The following C12orf42 variants were observed in gnomAD, a reference collection of about 807,000 sequenced individuals.
C12orf42 encodes the protein uncharacterized protein C12orf42.
C12orf42 carries 25 observed loss-of-function variants against 21.6 expected under a neutral mutation model. That is an observed-to-expected ratio of 1.16 (90% CI 0.84 to 1.62). The LOEUF is 1.62. Among genes scored for constraint, C12orf42 ranks in the 40% most tolerant of loss-of-function variants. C12orf42 has a pLI of 0.00. For missense variants in C12orf42, 483 were observed against 459.3 expected, an observed-to-expected ratio of 1.05 and a Z score of -0.47; for synonymous variants, 174 against 175.0, an observed-to-expected ratio of 0.99 and a Z score of 0.05.
chr12:103,293,774 A>G (rs1190851669), intron 4 of C12orf42, among the ~76,000 whole-genome samples: 1 of 152,178 alleles, frequency 6.6e-6, no homozygotes. Flanking sequence ...CTACGTCTTC[A>G]TTGAAATACA....
chr12:103,162,806 A>T, the C12orf42 span: 1 of 152,186 alleles, frequency 6.6e-6, no homozygotes, highest in Admixed American at 6.5e-5. Context: ...AGCTGAATGA[A>T]TCAGCCTGCA....
At chr12:103,367,885 TC>T in intron 4 of C12orf42, 1 of 316,308 alleles carries the variant, frequency 3.2e-6, no homozygotes, top group Non-Finnish European at 5.7e-6. Context: ...CATTATAAAA[TC>T]AACTAAACCT....
chr12:103,251,896 C>T (rs181969400), intron 10 of C12orf42, among the ~76,000 whole-genome samples: 1 of 152,230 alleles, frequency 6.6e-6, no homozygotes, highest in African/African-American at 2.4e-5. Context: ...ACACTGACCA[C>T]CAAGGTGTCT....
the C12orf42 span, among the ~76,000 whole-genome samples, chr12:103,126,675 AAAG>A: frequency 6.6e-6 from 1 of 152,198 alleles, no homozygotes; most frequent in Admixed American, 6.5e-5. Context: ...AAAAAAAAAA[AAAG>A]GAGACAATAT....
the C12orf42 span, among the ~76,000 whole-genome samples, chr12:103,201,046 T>C: frequency 6.6e-6 from 1 of 152,198 alleles, no homozygotes; most frequent in Non-Finnish European, 1.5e-5. Context: ...GGTAGTCAGT[T>C]GGCGAGAGGT....
chr12:103,295,485 G>C (rs185453025), intron 4 of C12orf42, among the ~76,000 whole-genome samples: 43 of 152,170 alleles, frequency 2.8e-4, no homozygotes, highest in Non-Finnish European at 1.0e-4. Context: ...ATGAGTGATG[G>C]AGGCAGTCAT....
chr12:103,250,502 G>T (rs1158286522), intron 10 of C12orf42, among the ~76,000 whole-genome samples: 2 of 151,984 alleles, frequency 1.3e-5, no homozygotes, highest in Non-Finnish European at 2.9e-5. Context: ...ATGGCCACTG[G>T]GATGCAAAAT....
chr12:103,141,208 G>A, the C12orf42 span, among the ~76,000 whole-genome samples: 10 of 152,106 alleles, frequency 6.6e-5, no homozygotes, highest in Non-Finnish European at 1.0e-4. Flanking sequence ...CTAAAGGAGC[G>A]GAATAAAACT....
At chr12:103,518,768 C>T in the C12orf42 span, among the ~76,000 whole-genome samples, 1 of 152,210 alleles carries the variant, frequency 6.6e-6, no homozygotes, top group Non-Finnish European at 1.5e-5. Flanking sequence ...ACCTTCCCTT[C>T]CAGGCATCCT....
chr12:103,061,238 T>C, the C12orf42 span, among the ~76,000 whole-genome samples: 1 of 152,174 alleles, frequency 6.6e-6, no homozygotes, highest in Non-Finnish European at 1.5e-5. Context: ...TAGTGCTGGG[T>C]GGTGTTGAAA....
chr12:103,254,932 A>ATTT (rs2034485038), intron 10 of C12orf42, among the ~76,000 whole-genome samples: 1 of 152,220 alleles, frequency 6.6e-6, no homozygotes, highest in South Asian at 2.1e-4. Context: ...GAAATTAAAA[A>ATTT]TTTTTTTAAA....
intron 4 of C12orf42, among the ~76,000 whole-genome samples, chr12:103,287,258 T>C (rs1345587793): frequency 6.6e-6 from 1 of 152,206 alleles, no homozygotes; most frequent in Non-Finnish European, 1.5e-5. Context: ...TGCACATGTA[T>C]GTTTACTGCA....
At chr12:103,124,732 G>T in the C12orf42 span, among the ~76,000 whole-genome samples, 10 of 151,898 alleles carry the variant, frequency 6.6e-5, no homozygotes, top group African/African-American at 9.7e-5. Flanking sequence ...CAGATCCTTG[G>T]GTAAACTTAA....
At chr12:103,197,834 C>G in the C12orf42 span, among the ~76,000 whole-genome samples, 1 of 152,002 alleles carries the variant, frequency 6.6e-6, no homozygotes, top group African/African-American at 2.4e-5. Context: ...TGAGACAAGC[C>G]TCAGCTCAGC....
the C12orf42 span, among the ~76,000 whole-genome samples, chr12:103,511,912 A>G: frequency 6.6e-5 from 10 of 152,258 alleles, no homozygotes; most frequent in Non-Finnish European, 1.2e-4. Context: ...GGGCAGCCCT[A>G]TCTTCACTCC....
the C12orf42 span, among the ~76,000 whole-genome samples, chr12:103,223,457 G>C: frequency 5.3e-5 from 8 of 152,150 alleles, no homozygotes; most frequent in African/African-American, 1.4e-4. Context: ...GAATTGGGAC[G>C]ACTCAGGATA....
chr12:103,127,844 T>C, the C12orf42 span, among the ~76,000 whole-genome samples: 2,352 of 152,340 alleles, frequency 0.015, 30 homozygotes, highest in Non-Finnish European at 0.022. Flanking sequence ...TTTGTTTGAC[T>C]TGTCTTTGCT....
chr12:103,547,998 T>C, the C12orf42 span: 1 of 152,214 alleles, frequency 6.6e-6, no homozygotes, highest in Non-Finnish European at 1.5e-5. Context: ...ATCCACTGCA[T>C]TGCAAGAAAA....
the C12orf42 span, among the ~76,000 whole-genome samples, chr12:103,194,535 C>T: frequency 6.6e-6 from 1 of 151,748 alleles, no homozygotes; most frequent in Non-Finnish European, 1.5e-5. Context: ...CAAAGCATAC[C>T]AAAAGAAAAT....
Sources: gnomAD v4.1 joint callset for allele counts (sites outside exome capture counted in the v4.1 genomes callset) on GRCh38, gnomAD v4.1.1 for gene constraint, MANE v1.5 for transcripts, NCBI Gene and HGNC (gene_info 2026-07-23, HGNC 2026-07-21) for gene names.